CDC37L1: variants seen among roughly 807,000 people sequenced by gnomAD.
CDC37L1 encodes the protein cell division cycle 37 like 1, HSP90 cochaperone, also known as hsp90 co-chaperone Cdc37-like 1.
CDC37L1 carries 32 observed loss-of-function variants against 45.9 expected under a neutral mutation model. The observed-to-expected ratio is 0.70, with a 90% CI of 0.53 to 0.94. The LOEUF is 0.94. Ranked by LOEUF, CDC37L1 falls within the 40% of genes least tolerant of loss-of-function variation. CDC37L1 has a pLI of 0.00. For missense variants in CDC37L1, 434 were observed against 405.7 expected (o/e 1.07, Z -0.60); for synonymous variants, 150 against 133.0 (o/e 1.13, Z -0.88).
At chr9:4,694,724 A>C (rs7044033) in intron 3 of CDC37L1, among the ~76,000 whole-genome samples, 5,426 of 152,034 alleles carry the variant, frequency 0.036, 328 homozygotes, top group African/African-American at 0.12. Flanking sequence ...TACAAAAATT[A>C]ACTGGGCGTG....
intron 3 of CDC37L1, among the ~76,000 whole-genome samples, chr9:4,689,314 G>A (rs1270062802): frequency 1.3e-5 from 2 of 151,516 alleles, no homozygotes; most frequent in Non-Finnish European, 2.9e-5. Flanking sequence ...TAGGAGTTAA[G>A]GTTTAAAACT....
Position 4,688,525 on chromosome 9 carries a change from C to G in CDC37L1, c.427C>G (p.Gln143Glu). 1 of 1,480,384 alleles carries G rather than the reference C, an allele frequency of 6.8e-7. No individual in the cohort carries two copies. The highest frequency in any genetic ancestry group is 2.3e-5 in the Admixed American group (1 of 43,902). The allele number at this position is 1,480,384 out of a possible 1,614,324, so 91.7% of individuals were successfully genotyped here. A position where few individuals can be genotyped will look rare whatever the true frequency, so the allele number is the denominator to read the frequency against. ...KDVFNKSFINQDKRKDTEDED... is the reference protein window; with the variant it reads ...KDVFNKSFINEDKRKDTEDED... ...AATTTTTTCTTAGAGTTTTATTAAT[C>G]AAGATAAAAGAAAAGACACAGAAGA... Residue 143 changes from glutamine to glutamate, a missense_variant, in exon 3 of 7, where the codon CAA becomes GAA. Physicochemically the swap from Gln to Glu is conservative, Grantham distance 29. Coordinates refer to ENST00000381854, the MANE Select transcript of CDC37L1 (RefSeq NM_017913.4).
intron 1 of CDC37L1, among the ~76,000 whole-genome samples, chr9:4,681,577 A>G (rs1221249127): frequency 6.6e-6 from 1 of 151,656 alleles, no homozygotes; most frequent in Admixed American, 6.6e-5. Flanking sequence ...CAAAGGTTAC[A>G]GTGAGCCGAG....
intron 5 of CDC37L1, among the ~76,000 whole-genome samples, chr9:4,698,759 C>G (rs1261445804): frequency 1.3e-5 from 2 of 152,074 alleles, no homozygotes; most frequent in Non-Finnish European, 2.9e-5. Flanking sequence ...AAACTATTTT[C>G]ATAATAATAC....
At chr9:4,681,262 T>A (rs1324966017) in intron 1 of CDC37L1, among the ~76,000 whole-genome samples, 1 of 152,224 alleles carries the variant, frequency 6.6e-6, no homozygotes, top group Non-Finnish European at 1.5e-5. Context: ...AATTTCTTAC[T>A]TGTGCACTTC....
chr9:4,701,566 A>C (rs1841396202), intron 5 of CDC37L1, among the ~76,000 whole-genome samples: 1 of 151,250 alleles, frequency 6.6e-6, no homozygotes, highest in Non-Finnish European at 1.5e-5. Context: ...TAGATAAGTC[A>C]AGGAAAATAC....
chr9:4,693,965 C>T lies in CDC37L1; in HGVS notation c.509-3131C>T, dbSNP rs987506875. On this transcript the variant is annotated intron_variant, in intron 3 of 6. Coordinates refer to ENST00000381854, the MANE Select transcript of CDC37L1 (RefSeq NM_017913.4). ...CCTGGGCCATTTAGCTCTAGTCTGTCTTCTCAGCCGCTGTCTTAAATTGTT... is the reference window on the plus strand; with the variant it reads ...CCTGGGCCATTTAGCTCTAGTCTGTTTTCTCAGCCGCTGTCTTAAATTGTT... Among the ~76,000 whole-genome samples the T allele has an allele frequency of 3.9e-5, 6 of 152,342 alleles. No individual in the cohort carries two copies. The South Asian group carries it at 1.2e-3, about 32-fold the overall frequency.
At chr9:4,694,814 G>C (rs1841331608) in intron 3 of CDC37L1, among the ~76,000 whole-genome samples, 1 of 152,056 alleles carries the variant, frequency 6.6e-6, no homozygotes, top group African/African-American at 2.4e-5. Flanking sequence ...AGGTTGCAGT[G>C]AGCTGAGATC....
rs765043024 is a variant in CDC37L1, at chr9:4,706,154, G to A, written c.*42G>A. On this transcript the variant is annotated 3_prime_UTR_variant, in exon 7 of 7. Coordinates refer to ENST00000381854, the MANE Select transcript of CDC37L1 (RefSeq NM_017913.4). ...GAGGCCAAGTGCTATTTTGTTACAA[G>A]AAAGGAAGAACTTGGCTATTTTCTT... is the stretch of plus-strand genomic sequence containing the variant. 9.2e-6 allele frequency: 9 copies of A among 974,432 alleles called. No homozygotes were observed. The highest frequency in any genetic ancestry group is 1.3e-5 in the Non-Finnish European group (8 of 603,290). 60.4% of individuals were successfully genotyped at this position (974,432 alleles called of 1,614,324 possible).
intron 1 of CDC37L1, among the ~76,000 whole-genome samples, chr9:4,682,075 A>G (rs568712500): frequency 2.0e-5 from 3 of 151,556 alleles, no homozygotes; most frequent in Non-Finnish European, 4.4e-5. Flanking sequence ...AGAAAAGAAT[A>G]TTTGCTCCCA....
In CDC37L1 at chr9:4,706,225, G is replaced by T; in HGVS notation, c.*113G>T. 2 of 528,304 alleles carry T rather than the reference G, an allele frequency of 3.8e-6. No individual in the cohort carries two copies. The highest frequency in any genetic ancestry group is 3.2e-5 in the South Asian group (1 of 31,570). 32.7% of individuals were successfully genotyped at this position (528,304 alleles called of 1,614,324 possible). On this transcript the variant is annotated 3_prime_UTR_variant, in exon 7 of 7. Coordinates refer to ENST00000381854, the MANE Select transcript of CDC37L1 (RefSeq NM_017913.4). Reference sequence around the variant, plus strand: ...ACTTTATTTTTGTTCGGTTTTTGATGGGAGGGAAAGAGTACTGAAATGTTT... The same window carrying T: ...ACTTTATTTTTGTTCGGTTTTTGATTGGAGGGAAAGAGTACTGAAATGTTT...
intron 3 of CDC37L1, among the ~76,000 whole-genome samples, chr9:4,691,250 G>A (rs73397604): frequency 3.9e-5 from 6 of 152,030 alleles, no homozygotes; most frequent in African/African-American, 1.4e-4. Context: ...TGTGTCTTGG[G>A]GATTTGTTGT....
At chr9:4,690,717 G>C (rs1274114182) in intron 3 of CDC37L1, among the ~76,000 whole-genome samples, 1 of 152,182 alleles carries the variant, frequency 6.6e-6, no homozygotes, top group African/African-American at 2.4e-5. Context: ...CACCCAGCCA[G>C]ACCAATAGCC....
rs1237316647 is a variant in CDC37L1 at position 4,684,751 on chromosome 9, C to G, written c.133-126C>G. On this transcript the variant is annotated intron_variant, in intron 1 of 6. Transcript: ENST00000381854. The stretch of plus-strand genomic sequence containing the variant: ...AAGATATAAAAACATGACTGCAGAC[C>G]TAGAACACAGGATATACTATATACC... The G allele has an allele frequency of 9.5e-6, 6 of 631,614 alleles. No individual in the cohort carries two copies. In the East Asian group the frequency reaches 1.4e-4, roughly 15 times the overall value. The allele number at this position is 631,614 out of a possible 1,614,324, so 39.1% of individuals were successfully genotyped here. A position where few individuals can be genotyped will look rare whatever the true frequency, so the allele number is the denominator to read the frequency against.
chr9:4,702,121 C>G, intron 6 of CDC37L1, 93 bp downstream of exon 6: 1 of 543,314 alleles, frequency 1.8e-6, no homozygotes, highest in Non-Finnish European at 3.0e-6. Context: ...TTAATATGTG[C>G]TACTATTTTA....
intron 1 of CDC37L1, among the ~76,000 whole-genome samples, chr9:4,682,943 AAAAT>A (rs1241141974): frequency 6.8e-6 from 1 of 147,604 alleles, no homozygotes; most frequent in Non-Finnish European, 1.5e-5. Flanking sequence ...ACAAAAAGTA[AAAAT>A]AAATATTTTA....
chr9:4,688,217 C>G (rs946278360), intron 2 of CDC37L1, among the ~76,000 whole-genome samples: 1 of 152,188 alleles, frequency 6.6e-6, no homozygotes, highest in African/African-American at 2.4e-5. Context: ...CCAGGCTGGT[C>G]TTGAACTCCT....
rs188682303 is a variant in CDC37L1 at position 4,706,484 on chromosome 9, G to A, written c.*372G>A. On this transcript the variant is annotated 3_prime_UTR_variant, in exon 7 of 7. Coordinates refer to ENST00000381854, the MANE Select transcript of CDC37L1 (RefSeq NM_017913.4). ...CTACAGTCTCTTTTTATATGGATAT[G>A]TACATGTCCTATTCTACAAAAATGA... is the stretch of plus-strand genomic sequence containing the variant. 2 of 157,298 alleles carry A rather than the reference G, an allele frequency of 1.3e-5. No individual in the cohort carries two copies. The highest frequency in any genetic ancestry group is 2.4e-5 in the African/African-American group (1 of 41,520). The allele number at this position is 157,298 out of a possible 1,614,324, so 9.7% of individuals were successfully genotyped here.
rs147216410 is a variant in CDC37L1, at chr9:4,700,090, A to G, written c.748-1774A>G. ...CCAAAATATGAAATTTTCCTGAAACAGTTGAACTTTAATAGCAAATGCTTG... is the reference window on the plus strand; with the variant it reads ...CCAAAATATGAAATTTTCCTGAAACGGTTGAACTTTAATAGCAAATGCTTG... On this transcript the variant is annotated intron_variant, in intron 5 of 6. Transcript: ENST00000381854. Among the ~76,000 whole-genome samples the G allele has an allele frequency of 1.7e-3, 265 of 152,306 alleles. 2 individuals carry two copies. Among genetic ancestry groups the G allele is most frequent in the Middle Eastern group, 0.01 (3 of 294 alleles).
Sources: allele counts gnomAD v4.1 joint callset (sites outside exome capture counted in the v4.1 genomes callset), GRCh38; gene constraint gnomAD v4.1.1; transcripts MANE v1.5; gene names NCBI Gene and HGNC (gene_info 2026-07-23, HGNC 2026-07-21).